The following ILRUN variants were observed in gnomAD, a reference collection of about 807,000 sequenced individuals.
ILRUN encodes protein ILRUN.
ILRUN carries 3 observed loss-of-function variants against 33.8 expected under a neutral mutation model. That is an observed-to-expected ratio of 0.09 (90% CI 0.04 to 0.23). ILRUN has a LOEUF of 0.23. Among genes scored for constraint, ILRUN ranks in the 10% least tolerant of loss-of-function variants. The pLI is 1.00. For missense variants in ILRUN, 210 were observed against 375.1 expected, an observed-to-expected ratio of 0.56 and a Z score of 3.64; for synonymous variants, 124 against 138.9, an observed-to-expected ratio of 0.89 and a Z score of 0.75.
At chr6:34,641,761 A>G (rs1344930949) in intron 3 of ILRUN, among the ~76,000 whole-genome samples, 1 of 152,218 alleles carries the variant, frequency 6.6e-6, no homozygotes, top group Non-Finnish European at 1.5e-5. Flanking sequence ...TTGTTAAGTT[A>G]AAATTAGGGG....
intron 3 of ILRUN, among the ~76,000 whole-genome samples, chr6:34,633,178 G>A (rs139827107): frequency 6.6e-6 from 1 of 152,160 alleles, no homozygotes; most frequent in African/African-American, 2.4e-5. Context: ...AAATTATCAG[G>A]GAAGAAAAGG....
intron 3 of ILRUN, among the ~76,000 whole-genome samples, chr6:34,635,612 CTTTT>C (rs778064465): frequency 3.8e-5 from 4 of 104,568 alleles, no homozygotes; most frequent in Non-Finnish European, 5.5e-5. Flanking sequence ...TCTTAGAAAG[CTTTT>C]TTTTTTTTTT....
intron 3 of ILRUN, among the ~76,000 whole-genome samples, chr6:34,633,864 G>A (rs917331870): frequency 8.2e-6 from 1 of 121,518 alleles, no homozygotes; most frequent in East Asian, 2.6e-4. Context: ...GGGAGGGGAG[G>A]GAGACATGGA....
At chr6:34,637,879 T>C (rs1174429517) in intron 3 of ILRUN, among the ~76,000 whole-genome samples, 2 of 151,022 alleles carry the variant, frequency 1.3e-5, no homozygotes, top group East Asian at 3.9e-4. Flanking sequence ...GTTGTTGTTG[T>C]TGTTGTTGTT....
intron 1 of ILRUN, among the ~76,000 whole-genome samples, chr6:34,692,106 G>A (rs1184694180): frequency 2.0e-5 from 3 of 152,110 alleles, no homozygotes; most frequent in African/African-American, 4.8e-5. Context: ...TGGGACTACA[G>A]GTGAGCACCA....
In ILRUN at chr6:34,600,558, C is replaced by T. The variant is rs138423825; in HGVS notation, c.861+5997G>A. 1.7e-4 allele frequency among the ~76,000 whole-genome samples: 26 copies of T among 152,258 alleles called. No individual in the cohort carries two copies. The East Asian group carries it at 4.6e-3, about 27-fold the overall frequency. ...TGTGGCCACTATCAAGGAATATAGA[C>T]AGGTTTGGTTTTTGTGTGTGTGACA... On this transcript the variant is annotated intron_variant, in intron 4 of 4. Coordinates refer to ENST00000374023, the MANE Select transcript of ILRUN (RefSeq NM_024294.4).
At chr6:34,658,210 A>G (rs941377736) in intron 1 of ILRUN, among the ~76,000 whole-genome samples, 14 of 152,044 alleles carry the variant, frequency 9.2e-5, no homozygotes, top group African/African-American at 2.9e-4. Context: ...TTAGCTGGGC[A>G]TAGTGCATGC....
At position 34,671,761 on chromosome 6, in the gene ILRUN, A is replaced by G. The variant is rs1763121772; in HGVS notation, c.159-16982T>C. 2.0e-5 allele frequency: 3 copies of G among 152,238 alleles called. No individual in the cohort carries two copies. The South Asian group carries it at 6.2e-4, about 32-fold the overall frequency. 9.4% of individuals were successfully genotyped at this position (152,238 alleles called of 1,614,324 possible). A position where few individuals can be genotyped will look rare whatever the true frequency, so the allele number is the denominator to read the frequency against. ...TGGGGGAAAAAGGCGTGAATTCACT[A>G]GGACAAAATGAACAAGTGAGGCAAC... On this transcript the variant is annotated intron_variant, in intron 1 of 4. Coordinates refer to ENST00000374023, the MANE Select transcript of ILRUN (RefSeq NM_024294.4).
At chr6:34,635,196 T>C (rs769108683) in intron 3 of ILRUN, among the ~76,000 whole-genome samples, 2 of 152,106 alleles carry the variant, frequency 1.3e-5, no homozygotes, top group Non-Finnish European at 2.9e-5. Context: ...TAGAATTAAA[T>C]TGCTTTCAAG....
intron 4 of ILRUN, among the ~76,000 whole-genome samples, chr6:34,591,951 G>C (rs1761302368): frequency 6.6e-6 from 1 of 152,170 alleles, no homozygotes; most frequent in African/African-American, 2.4e-5. Context: ...TATGCTGCTT[G>C]GCTGAGTGGA....
intron 3 of ILRUN, among the ~76,000 whole-genome samples, chr6:34,618,508 T>G (rs935034485): frequency 3.3e-5 from 5 of 152,198 alleles, no homozygotes; most frequent in African/African-American, 1.2e-4. Flanking sequence ...AAGCATCCCT[T>G]AAAGCTTCCT....
intron 4 of ILRUN, chr6:34,595,672 CTTG>C (rs1761386016): frequency 2.6e-6 from 2 of 757,092 alleles, no homozygotes; most frequent in East Asian, 1.3e-4. Context: ...TATACGAAAG[CTTG>C]TTGTTTAGAT....
intron 1 of ILRUN, among the ~76,000 whole-genome samples, chr6:34,694,714 C>T (rs116744197): frequency 0.011 from 1,715 of 152,052 alleles, 12 homozygotes; most frequent in Non-Finnish European, 0.016. Flanking sequence ...TAATAATTGA[C>T]CTTAAAGATA....
chr6:34,606,804 A>T lies in ILRUN; in HGVS notation c.612T>A (p.Arg204=). The change falls in exon 4 of 5, where the codon CGT becomes CGA. Residue 204 remains arginine (R), a synonymous_variant. Transcript: ENST00000374023. ...FETEFNTQPH[R]KVEGNFNPFA... ...AAGGGTTGAAGTTTCCTTCTACCTTACGATGCGGCTGTGTGTTGAACTCCG... is the reference window on the plus strand; with the variant it reads ...AAGGGTTGAAGTTTCCTTCTACCTTTCGATGCGGCTGTGTGTTGAACTCCG... 6.2e-7 allele frequency: 1 copy of T among 1,614,192 alleles called. No individual in the cohort carries two copies. Among genetic ancestry groups the T allele is most frequent in the Non-Finnish European group, 8.5e-7 (1 of 1,180,030 alleles).
chr6:34,634,616 T>C (rs1370335580), intron 3 of ILRUN, among the ~76,000 whole-genome samples: 1 of 152,088 alleles, frequency 6.6e-6, no homozygotes, highest in Non-Finnish European at 1.5e-5. Context: ...AAGAAGGGAT[T>C]ATCATCAAAC....
chr6:34,628,113 C>T (rs767842451), intron 3 of ILRUN, among the ~76,000 whole-genome samples: 4 of 152,044 alleles, frequency 2.6e-5, no homozygotes, highest in African/African-American at 7.2e-5. Context: ...CTCCACCTGC[C>T]GGGTTCAAAC....
chr6:34,696,680 G>A lies in ILRUN; in HGVS notation c.-77C>T, dbSNP rs923591511. 13 of 1,512,166 alleles carry A rather than the reference G, an allele frequency of 8.6e-6. No individual in the cohort carries two copies. The African/African-American group carries it at 1.7e-4, about 19-fold the overall frequency. The allele number at this position is 1,512,166 out of a possible 1,614,324, so 93.7% of individuals were successfully genotyped here. A position where few individuals can be genotyped will look rare whatever the true frequency, so the allele number is the denominator to read the frequency against. ...GCGCCGCCGGGCCCGGGGACCTGGA[G>A]GGGGGCCGCTGCTAGCTAGCTTCGC... On this transcript the variant is annotated 5_prime_UTR_variant, in exon 1 of 5. Coordinates refer to ENST00000374023, the MANE Select transcript of ILRUN (RefSeq NM_024294.4).
In ILRUN at chr6:34,588,069, T is replaced by C. The variant is rs925782677; in HGVS notation, c.*2496A>G. 5 of 398,530 alleles carry C rather than the reference T, an allele frequency of 1.3e-5. No individual in the cohort carries two copies. The highest frequency in any genetic ancestry group is 4.1e-5 in the African/African-American group (2 of 48,620). The allele number at this position is 398,530 out of a possible 1,614,324, so 24.7% of individuals were successfully genotyped here. ...GGCCCTAGGCATTGCTCTGAACCCA[T>C]ACCAGTGAGGGGAGAGAGAATGAAT... On this transcript the variant is annotated 3_prime_UTR_variant, in exon 5 of 5. Coordinates refer to ENST00000374023, the MANE Select transcript of ILRUN (RefSeq NM_024294.4).
chr6:34,618,730 AC>A (rs1046566123), intron 3 of ILRUN, among the ~76,000 whole-genome samples: 3 of 152,024 alleles, frequency 2.0e-5, no homozygotes, highest in African/African-American at 7.2e-5. Flanking sequence ...AGATGCAGAG[AC>A]CCCATCACCC....
Sources: allele counts gnomAD v4.1 joint callset (sites outside exome capture counted in the v4.1 genomes callset), GRCh38; gene constraint gnomAD v4.1.1; transcripts MANE v1.5; gene names NCBI Gene and HGNC (gene_info 2026-07-23, HGNC 2026-07-21).